RBFOX1: variants seen among roughly 807,000 people sequenced by gnomAD.
The protein encoded by RBFOX1 is RNA binding fox-1 homolog 1.
RBFOX1 carries 8 observed loss-of-function variants against 57.7 expected under a neutral mutation model. That is an observed-to-expected ratio of 0.14 (90% CI 0.08 to 0.25). The LOEUF is 0.25. Among genes scored for constraint, RBFOX1 ranks in the 10% least tolerant of loss-of-function variants. The pLI, the probability that RBFOX1 is intolerant of heterozygous loss-of-function variation, is 1.00. For missense variants in RBFOX1, 611 were observed against 548.5 expected, an observed-to-expected ratio of 1.11 and a Z score of -1.14; for synonymous variants, 326 against 222.4, an observed-to-expected ratio of 1.47 and a Z score of -4.15.
intron 2 of RBFOX1, among the ~76,000 whole-genome samples, chr16:6,601,162 A>G (rs1343119409): frequency 3.3e-5 from 5 of 152,226 alleles, no homozygotes; most frequent in Admixed American, 3.3e-4. Context: ...AAGAACAGAA[A>G]GGAATTAGAT....
intron 3 of RBFOX1, among the ~76,000 whole-genome samples, chr16:7,002,933 A>C (rs1249045486): frequency 6.6e-6 from 1 of 152,154 alleles, no homozygotes; most frequent in Non-Finnish European, 1.5e-5. Context: ...GGAAGTTAGA[A>C]AGTGTAAGAA....
chr16:6,032,634 C>A (rs1163298524), intron 1 of RBFOX1, among the ~76,000 whole-genome samples: 1 of 151,934 alleles, frequency 6.6e-6, no homozygotes, highest in Admixed American at 6.6e-5. Context: ...TATGAAATGC[C>A]AGCAGATGTC....
intron 12 of RBFOX1, among the ~76,000 whole-genome samples, chr16:7,661,589 T>C (rs1056668861): frequency 6.6e-6 from 1 of 152,216 alleles, no homozygotes; most frequent in African/African-American, 2.4e-5. Flanking sequence ...GCAGTATCTA[T>C]CTCAGCTGTG....
intron 1 of RBFOX1, among the ~76,000 whole-genome samples, chr16:6,191,366 G>T (rs1184144138): frequency 6.6e-6 from 1 of 152,108 alleles, no homozygotes; most frequent in African/African-American, 2.4e-5. Flanking sequence ...GGGGAGGGAT[G>T]GCATGTCCTT....
intron 4 of RBFOX1, among the ~76,000 whole-genome samples, chr16:7,085,103 G>T (rs543534971): frequency 6.6e-6 from 1 of 152,286 alleles, no homozygotes; most frequent in Admixed American, 6.5e-5. Context: ...AAAGTTGTGT[G>T]TGTGTGTGTG....
intron 1 of RBFOX1, among the ~76,000 whole-genome samples, chr16:6,308,014 T>C (rs2079745433): frequency 6.7e-6 from 1 of 150,312 alleles, no homozygotes; most frequent in Non-Finnish European, 1.5e-5. Context: ...CATATTTTTA[T>C]AAATGATATT....
chr16:5,659,674 T>C (rs2049582040), intron 3 of RBFOX1, among the ~76,000 whole-genome samples: 2 of 152,214 alleles, frequency 1.3e-5, no homozygotes, highest in Admixed American at 6.5e-5. Context: ...TCAGGGAGTC[T>C]GAAAATGTGG....
chr16:6,983,479 T>C (rs959776867), intron 3 of RBFOX1, among the ~76,000 whole-genome samples: 4 of 150,786 alleles, frequency 2.7e-5, no homozygotes, highest in African/African-American at 9.8e-5. Flanking sequence ...TTATGGAAGA[T>C]GAAAAGGAAG....
In RBFOX1 at chr16:5,722,422, C is replaced by G. The variant is rs549975863; in HGVS notation, c.318+123461C>G. On this transcript the variant is annotated intron_variant, in intron 3 of 19. Transcript: ENST00000641259. ...ATTTGAAAGTCATTAGTCAAGGGCT[C>G]TGCTGGGCTGTTCTGCACACATTTG... is the stretch of plus-strand genomic sequence containing the variant. 2.0e-5 allele frequency among the ~76,000 whole-genome samples: 3 copies of G among 152,194 alleles called. 1 individual carries two copies. In the South Asian group the frequency reaches 6.2e-4, roughly 32 times the overall value.
intron 5 of RBFOX1, among the ~76,000 whole-genome samples, chr16:7,532,496 G>A (rs1461675937): frequency 1.3e-5 from 2 of 152,172 alleles, no homozygotes; most frequent in African/African-American, 4.8e-5. Flanking sequence ...CTAGGAAAAG[G>A]GAGGACGTGA....
chr16:6,317,715 TATGC>T (rs1444797354), intron 2 of RBFOX1, among the ~76,000 whole-genome samples: 1 of 152,180 alleles, frequency 6.6e-6, no homozygotes, highest in Non-Finnish European at 1.5e-5. Context: ...TCTTTTTTTA[TATGC>T]AGATATACTC....
At chr16:6,312,014 A>G (rs2080379386) in intron 1 of RBFOX1, among the ~76,000 whole-genome samples, 1 of 152,208 alleles carries the variant, frequency 6.6e-6, no homozygotes, top group Admixed American at 6.5e-5. Flanking sequence ...CTTGGAGAGC[A>G]TGTATGCAAT....
chr16:7,572,233 C>G (rs957341924), intron 5 of RBFOX1, among the ~76,000 whole-genome samples: 3 of 152,186 alleles, frequency 2.0e-5, no homozygotes, highest in African/African-American at 7.2e-5. Context: ...TGTAATTTCA[C>G]TCTAAAGCAT....
chr16:6,722,541 A>G (rs1368854845), intron 3 of RBFOX1, among the ~76,000 whole-genome samples: 3 of 151,830 alleles, frequency 2.0e-5, no homozygotes, highest in African/African-American at 4.8e-5. Flanking sequence ...GTCATTTTGT[A>G]TACTCAGTAC....
intron 1 of RBFOX1, among the ~76,000 whole-genome samples, chr16:5,407,570 T>C (rs1246253861): frequency 6.6e-6 from 1 of 151,818 alleles, no homozygotes; most frequent in African/African-American, 2.4e-5. Flanking sequence ...GCTTTTTGTT[T>C]TTTTGTCTCA....
At chr16:6,495,656 A>T (rs1272551892) in intron 2 of RBFOX1, among the ~76,000 whole-genome samples, 1 of 152,196 alleles carries the variant, frequency 6.6e-6, no homozygotes, top group African/African-American at 2.4e-5. Flanking sequence ...TTTCAGACAG[A>T]TGGATGCCTC....
chr16:5,459,804 C>T (rs2068736514), intron 1 of RBFOX1, among the ~76,000 whole-genome samples: 2 of 152,108 alleles, frequency 1.3e-5, no homozygotes, highest in Admixed American at 6.5e-5. Context: ...TGATTCTGAG[C>T]TCAGAGACTG....
intron 2 of RBFOX1, among the ~76,000 whole-genome samples, chr16:5,482,839 A>G (rs1268224521): frequency 6.6e-6 from 1 of 152,168 alleles, no homozygotes; most frequent in Non-Finnish European, 1.5e-5. Flanking sequence ...TGTAAATAAA[A>G]TGGGGCATTC....
chr16:7,128,511 C>T (rs17737220), intron 4 of RBFOX1, among the ~76,000 whole-genome samples: 32,154 of 152,156 alleles, frequency 0.21, 4,220 homozygotes, highest in East Asian at 0.53. Flanking sequence ...ATATCCCCAG[C>T]AAGCTAGCCT....
Sources: gnomAD v4.1 joint callset for allele counts (sites outside exome capture counted in the v4.1 genomes callset) on GRCh38, gnomAD v4.1.1 for gene constraint, MANE v1.5 for transcripts, NCBI Gene and HGNC (gene_info 2026-07-23, HGNC 2026-07-21) for gene names.